Variants in TRIM67 observed in about 807,000 individuals in gnomAD.
The protein encoded by TRIM67 is tripartite motif-containing protein 67.
In TRIM67, 39 loss-of-function variants were observed where a neutral mutation model predicts 71.0. The ratio of observed to expected loss-of-function variants is 0.55; its 90% CI spans 0.43 to 0.72. TRIM67 has a LOEUF of 0.72. TRIM67 is among the 30% of genes least tolerant of loss of function. TRIM67 has a pLI of 0.00. For synonymous variants in TRIM67, 481 were observed against 473.9 expected (o/e 1.01, Z -0.19); for missense variants, 973 against 1,079.2 (o/e 0.90, Z 1.38).
chr1:231,190,449 G>A (rs1683200951), intron 1 of TRIM67, among the ~76,000 whole-genome samples: 1 of 152,152 alleles, frequency 6.6e-6, no homozygotes, highest in Admixed American at 6.5e-5. Flanking sequence ...CCAGCTCTGG[G>A]CCACAGCCAC....
At chr1:231,211,055 G>T (rs374601480) in intron 8 of TRIM67, among the ~76,000 whole-genome samples, 1 of 120,850 alleles carries the variant, frequency 8.3e-6, no homozygotes, top group African/African-American at 2.8e-5. Flanking sequence ...TATATATTTT[G>T]TTTGTTTGTT....
intron 6 of TRIM67, among the ~76,000 whole-genome samples, chr1:231,205,123 T>C (rs1427109450): frequency 3.3e-5 from 5 of 152,154 alleles, no homozygotes; most frequent in Admixed American, 6.5e-5. Context: ...TTGGGAAATA[T>C]TAAAAGAAGC....
At chr1:231,213,749 T>A (rs1369738170) in intron 8 of TRIM67, 66 bp from the exon 9 acceptor site, 1 of 1,490,594 alleles carries the variant, frequency 6.7e-7, no homozygotes, top group Non-Finnish European at 9.0e-7. Context: ...TAAATAATTC[T>A]CCTGAGTTAT....
rs761609236 is a variant in TRIM67, at chr1:231,209,079, A to G, written c.1952A>G (p.His651Arg). Reference sequence around the variant, plus strand: ...ACAGCTGCGTTCTCCAAGGGCGTGCACTACTGGGAGCTGCACGTGGACCGG... The same window carrying G: ...ACAGCTGCGTTCTCCAAGGGCGTGCGCTACTGGGAGCTGCACGTGGACCGG... The part of the protein sequence containing the change: ...LGTAAFSKGV[H>R]YWELHVDRYD... Residue 651 changes from histidine to arginine, a missense_variant, in exon 8 of 10, where the codon CAC (histidine) becomes CGC (arginine). Coordinates refer to ENST00000366653, the MANE Select transcript of TRIM67 (RefSeq NM_001004342.5). This position sits in a 1 kb window ranked among gnomAD's most constrained non-coding sequence, Gnocchi z 4.1. The G allele has an allele frequency of 6.2e-7, 1 of 1,613,920 alleles. No individual in the cohort carries two copies. The highest frequency in any genetic ancestry group is 8.5e-7 in the Non-Finnish European group (1 of 1,179,868).
At position 231,213,840 on chromosome 1, in the gene TRIM67, G is replaced by T; in HGVS notation, c.2149G>T (p.Ala717Ser). ...GACGGAAGGTGGCGTGTGCAAGGGG[G>T]CCACCGTGGGCGTGCTGCTGGACCT... Reference protein sequence around the residue: ...NRTEGGVCKGATVGVLLDLNK... With the variant: ...NRTEGGVCKGSTVGVLLDLNK... The change falls in exon 9 of 10, where the codon GCC becomes TCC. Residue 717 changes from alanine (A) to serine (S), a missense_variant. Physicochemically the swap from Ala to Ser is moderately conservative, Grantham distance 99 (BLOSUM62 1). This residue lies in a region of TRIM67 where 178 missense variants were observed against 247.9 expected (regional missense o/e 0.72). Coordinates refer to ENST00000366653, the MANE Select transcript of TRIM67 (RefSeq NM_001004342.5). 1 of 1,607,894 alleles carries T rather than the reference G, an allele frequency of 6.2e-7. No homozygotes were observed. Among genetic ancestry groups the T allele is most frequent in the Non-Finnish European group, 8.5e-7 (1 of 1,176,284 alleles).
intron 8 of TRIM67, among the ~76,000 whole-genome samples, chr1:231,213,187 C>A (rs1474682007): frequency 6.6e-6 from 1 of 152,156 alleles, no homozygotes; most frequent in African/African-American, 2.4e-5. Context: ...CTTTCTTACC[C>A]ATTCTCCATG....
At position 231,163,760 on chromosome 1, in the gene TRIM67, C is replaced by T; in HGVS notation, c.791C>T (p.Ala264Val). The T allele has an allele frequency of 2.7e-6, 4 of 1,490,224 alleles. No homozygotes were observed. The highest frequency in any genetic ancestry group is 3.6e-6 in the Non-Finnish European group (4 of 1,119,906). 92.3% of individuals were successfully genotyped at this position (1,490,224 alleles called of 1,614,324 possible). Residue 264 changes from alanine (A) to valine (V), a missense_variant, in exon 1 of 10, where the codon GCC becomes GTC. Around this residue, in one of 2 missense-constraint regions of TRIM67, gnomAD observed 795 missense variants for 831.3 expected, o/e 0.96. Coordinates refer to ENST00000366653, the MANE Select transcript of TRIM67 (RefSeq NM_001004342.5). ...PPPPPPPAEA[A>V]SGPTGTAQGA... ...CCGCCGCCGCCGCCCGCCGAGGCAG[C>T]CTCCGGGCCCACTGGCACCGCCCAG... is the stretch of plus-strand genomic sequence containing the variant.
intron 1 of TRIM67, among the ~76,000 whole-genome samples, chr1:231,175,640 A>G (rs1682726890): frequency 6.6e-6 from 1 of 152,234 alleles, no homozygotes; most frequent in African/African-American, 2.4e-5. Flanking sequence ...AAAGGGCAGT[A>G]AACAGCAGCC....
At chr1:231,172,924 A>G (rs1682652683) in intron 1 of TRIM67, among the ~76,000 whole-genome samples, 1 of 152,230 alleles carries the variant, frequency 6.6e-6, no homozygotes, top group Non-Finnish European at 1.5e-5. Context: ...TGAGCTGTGT[A>G]CCCACAACTA....
chr1:231,213,466 C>G (rs1683927025), intron 8 of TRIM67, among the ~76,000 whole-genome samples: 1 of 152,170 alleles, frequency 6.6e-6, no homozygotes. Flanking sequence ...GTGGCTCATG[C>G]CTTTAATCCC....
chr1:231,220,980 G>A lies in TRIM67; in HGVS notation c.*5540G>A, dbSNP rs114519089. The stretch of plus-strand genomic sequence containing the variant: ...GGTGCTTACTGGGTGAGACCCAGCC[G>A]GGGAAGCCTCTCCAACTCCTCCTAG... On this transcript the variant is annotated 3_prime_UTR_variant, in exon 10 of 10. Coordinates refer to ENST00000366653, the MANE Select transcript of TRIM67 (RefSeq NM_001004342.5). 1,914 of 152,306 alleles carry A rather than the reference G, an allele frequency of 0.013. 20 individuals carry two copies. The highest frequency in any genetic ancestry group is 0.038 in the South Asian group (185 of 4,816). 9.4% of individuals were successfully genotyped at this position (152,306 alleles called of 1,614,324 possible).
Position 231,218,107 on chromosome 1 carries a change from C to T in TRIM67, c.*2667C>T. 2 of 1,071,376 alleles carry T rather than the reference C, an allele frequency of 1.9e-6. No individual in the cohort carries two copies. Among genetic ancestry groups the T allele is most frequent in the Non-Finnish European group, 2.3e-6 (2 of 876,058 alleles). The allele number at this position is 1,071,376 out of a possible 1,614,324, so 66.4% of individuals were successfully genotyped here. Reference sequence around the variant, plus strand: ...CTTCAAAGAGAACGACAGGTCCGTGCCACACACTTGTGTTTTTGAGGGATC... The same window carrying T: ...CTTCAAAGAGAACGACAGGTCCGTGTCACACACTTGTGTTTTTGAGGGATC... On this transcript the variant is annotated 3_prime_UTR_variant, in exon 10 of 10. Transcript: ENST00000366653.
chr1:231,178,119 C>G lies in TRIM67; in HGVS notation c.1044+14106C>G, dbSNP rs538100311. 2.6e-5 allele frequency among the ~76,000 whole-genome samples: 4 copies of G among 152,308 alleles called. No homozygotes were observed. In the East Asian group the frequency reaches 7.7e-4, roughly 29 times the overall value. On this transcript the variant is annotated intron_variant, in intron 1 of 9. Transcript: ENST00000366653. Reference sequence around the variant, plus strand: ...GCTCATTAGCATGGCTCTCTCCTCCCTCCTTATGTGTGGTAATCATGTGAG... The same window carrying G: ...GCTCATTAGCATGGCTCTCTCCTCCGTCCTTATGTGTGGTAATCATGTGAG...
chr1:231,209,993 G>T lies in TRIM67; in HGVS notation c.2123+743G>T, dbSNP rs1683823393. Among the ~76,000 whole-genome samples the T allele has an allele frequency of 6.6e-6, 1 of 152,114 alleles. No individual in the cohort carries two copies. Among genetic ancestry groups the T allele is most frequent in the African/African-American group, 2.4e-5 (1 of 41,410 alleles). ...GTCTCTCTCCTCAGACACAAAGAAG[G>T]CAGTGCCCCCCCAACACCCCTGCAC... On this transcript the variant is annotated intron_variant, in intron 8 of 9. Transcript: ENST00000366653. This position sits in a 1 kb window ranked among gnomAD's most constrained non-coding sequence, Gnocchi z 4.1.
Position 231,206,872 on chromosome 1 carries a change from T to A in TRIM67, c.1819+82T>A, listed in dbSNP as rs1683717221. 5 of 1,425,582 alleles carry A rather than the reference T, an allele frequency of 3.5e-6. No homozygotes were observed. The South Asian group carries it at 7.1e-5, about 20-fold the overall frequency. 88.3% of individuals were successfully genotyped at this position (1,425,582 alleles called of 1,614,324 possible). A position where few individuals can be genotyped will look rare whatever the true frequency, so the allele number is the denominator to read the frequency against. ...ACCAGACAGCCACTTGTGGCAGCTA[T>A]GATGATGGGGTAGGGGTGGGGGGTG... On this transcript the variant is annotated intron_variant, in intron 7 of 9. Transcript: ENST00000366653.
At chr1:231,165,146 G>A (rs1682417100) in intron 1 of TRIM67, among the ~76,000 whole-genome samples, 1 of 152,098 alleles carries the variant, frequency 6.6e-6, no homozygotes. Flanking sequence ...CACCTAGAAG[G>A]TGCCACTGGA....
In TRIM67 at chr1:231,204,082, C is replaced by T. The variant is rs940705486; in HGVS notation, c.1680+70C>T. On this transcript the variant is annotated intron_variant, in intron 6 of 9. Coordinates refer to ENST00000366653, the MANE Select transcript of TRIM67 (RefSeq NM_001004342.5). Reference sequence around the variant, plus strand: ...CAGAGGCAGGAGTGGCTCCCACTGCCCCAGACTCTGGTTCAGCCCATGGGG... The same window carrying T: ...CAGAGGCAGGAGTGGCTCCCACTGCTCCAGACTCTGGTTCAGCCCATGGGG... 5.0e-6 allele frequency: 8 copies of T among 1,588,538 alleles called. 1 individual carries two copies. Among genetic ancestry groups the T allele is most frequent in the African/African-American group, 4.0e-5 (3 of 74,572 alleles).
chr1:231,219,802 T>C lies in TRIM67; in HGVS notation c.*4362T>C, dbSNP rs1374204483. On this transcript the variant is annotated 3_prime_UTR_variant, in exon 10 of 10. Transcript: ENST00000366653. ...GCAAGTGAGCCGGTAGCTGTGTTTGTTGACCACATTCTTTGGCAGTTCCTC... is the reference window on the plus strand; with the variant it reads ...GCAAGTGAGCCGGTAGCTGTGTTTGCTGACCACATTCTTTGGCAGTTCCTC... 5 of 1,267,012 alleles carry C rather than the reference T, an allele frequency of 3.9e-6. No homozygotes were observed. In the East Asian group the frequency reaches 2.8e-4, roughly 72 times the overall value. The allele number at this position is 1,267,012 out of a possible 1,614,324, so 78.5% of individuals were successfully genotyped here.
intron 6 of TRIM67, 54 bp downstream of exon 6, chr1:231,204,066 G>A: frequency 1.2e-6 from 2 of 1,603,438 alleles, no homozygotes; most frequent in Non-Finnish European, 8.5e-7. Flanking sequence ...GCAGAGGCAG[G>A]AGTGGCTCCC....
Sources: gnomAD v4.1 joint callset for allele counts (sites outside exome capture counted in the v4.1 genomes callset) on GRCh38, gnomAD v4.1.1 for gene constraint, gnomAD v4.1.1 regional missense constraint, Gnocchi (gnomAD v3.1) non-coding constraint, MANE v1.5 for transcripts, NCBI Gene and HGNC (gene_info 2026-07-23, HGNC 2026-07-21) for gene names.